Variants in TMEM163 observed in about 807,000 individuals in gnomAD.
TMEM163 encodes the protein transmembrane protein 163.
TMEM163 carries 17 observed loss-of-function variants against 29.3 expected under a neutral mutation model. That is an observed-to-expected ratio of 0.58 (90% CI 0.40 to 0.87). The LOEUF is 0.87. Ranked by LOEUF, TMEM163 falls within the 40% of genes least tolerant of loss-of-function variation. The pLI is 0.00. For synonymous variants in TMEM163, 157 were observed against 160.6 expected, an observed-to-expected ratio of 0.98 and a Z score of 0.17; for missense variants, 303 against 381.5, an observed-to-expected ratio of 0.79 and a Z score of 1.71.
intron 5 of TMEM163, among the ~76,000 whole-genome samples, chr2:134,471,008 C>T (rs1257052106): frequency 6.6e-6 from 1 of 152,078 alleles, no homozygotes; most frequent in East Asian, 1.9e-4. Flanking sequence ...CTGGTCTCTA[C>T]AAAAAATGTA....
At chr2:134,607,628 C>T (rs1313163913) in intron 2 of TMEM163, among the ~76,000 whole-genome samples, 31 of 6,188 alleles carry the variant, frequency 5.0e-3, no homozygotes, top group Non-Finnish European at 0.012. Context: ...GAGAACTGTG[C>T]TGGTGAAAAG....
At chr2:134,602,630 T>C (rs1043458570) in intron 2 of TMEM163, among the ~76,000 whole-genome samples, 1 of 152,194 alleles carries the variant, frequency 6.6e-6, no homozygotes, top group Non-Finnish European at 1.5e-5. Context: ...CCAGCATCAC[T>C]GAGGGATCAT....
At chr2:134,642,291 G>A (rs1310502142) in intron 2 of TMEM163, among the ~76,000 whole-genome samples, 1 of 152,008 alleles carries the variant, frequency 6.6e-6, no homozygotes, top group African/African-American at 2.4e-5. Flanking sequence ...ATCATGCCCA[G>A]CAAATTTTTG....
At chr2:134,610,057 A>C (rs1332309728) in intron 2 of TMEM163, among the ~76,000 whole-genome samples, 6 of 152,246 alleles carry the variant, frequency 3.9e-5, no homozygotes, top group Non-Finnish European at 8.8e-5. Flanking sequence ...AGAAGCAGAA[A>C]GGGGAAGAGG....
chr2:134,654,721 G>A (rs1296813405), intron 2 of TMEM163, among the ~76,000 whole-genome samples: 1 of 117,198 alleles, frequency 8.5e-6, no homozygotes, highest in Admixed American at 8.5e-5. Context: ...CTTCCTTCAG[G>A]AGCTCTTTTA....
chr2:134,593,895 G>A (rs1286008572), intron 2 of TMEM163, among the ~76,000 whole-genome samples: 8 of 151,454 alleles, frequency 5.3e-5, no homozygotes, highest in Admixed American at 2.0e-4. Flanking sequence ...TATGAAGGCC[G>A]CTCAGCCCCC....
At chr2:134,469,285 C>G (rs1460895293) in intron 5 of TMEM163, 1 of 152,078 alleles carries the variant, frequency 6.6e-6, no homozygotes. Flanking sequence ...GCCCCGAGGT[C>G]CAGCTCCTGG....
At chr2:134,695,086 A>AT (rs1245307816) in intron 2 of TMEM163, among the ~76,000 whole-genome samples, 2 of 151,908 alleles carry the variant, frequency 1.3e-5, no homozygotes, top group African/African-American at 2.4e-5. Flanking sequence ...GGAAAAAAAA[A>AT]TTTTTTTTGA....
chr2:134,621,890 C>A (rs1180680121), intron 2 of TMEM163, among the ~76,000 whole-genome samples: 2 of 150,662 alleles, frequency 1.3e-5, no homozygotes, highest in African/African-American at 4.9e-5. Context: ...GACTCCATCT[C>A]AAAAAAATTA....
intron 2 of TMEM163, among the ~76,000 whole-genome samples, chr2:134,681,645 C>A (rs1034546353): frequency 1.3e-5 from 2 of 152,210 alleles, no homozygotes; most frequent in African/African-American, 4.8e-5. Flanking sequence ...CTTCTTTTAG[C>A]AGAGCATCAC....
At chr2:134,544,623 G>A (rs540680386) in intron 4 of TMEM163, among the ~76,000 whole-genome samples, 8 of 151,990 alleles carry the variant, frequency 5.3e-5, no homozygotes, top group Non-Finnish European at 8.8e-5. Context: ...GTGAAACCCC[G>A]TCTCTACTAA....
chr2:134,508,411 G>C lies in TMEM163; in HGVS notation c.459-5414C>G, dbSNP rs142212158. Reference sequence around the variant, plus strand: ...GAAGCAAATAATGAAAAATAAAAGAGTTAAGTGGTGTGAGCATATAACACG... The same window carrying C: ...GAAGCAAATAATGAAAAATAAAAGACTTAAGTGGTGTGAGCATATAACACG... On this transcript the variant is annotated intron_variant, in intron 4 of 7. Transcript: ENST00000281924. Among the ~76,000 whole-genome samples, 27 of 152,352 alleles carry C rather than the reference G, an allele frequency of 1.8e-4. No homozygotes were observed. In the East Asian group the frequency reaches 5.2e-3, roughly 29 times the overall value.
intron 2 of TMEM163, among the ~76,000 whole-genome samples, chr2:134,684,874 G>C (rs1684320641): frequency 1.3e-5 from 2 of 148,170 alleles, no homozygotes; most frequent in African/African-American, 5.0e-5. Flanking sequence ...AGTGAGCCAA[G>C]ATTGTGCCAC....
At chr2:134,679,753 C>G (rs760411964) in intron 2 of TMEM163, among the ~76,000 whole-genome samples, 3 of 152,186 alleles carry the variant, frequency 2.0e-5, no homozygotes, top group Non-Finnish European at 4.4e-5. Flanking sequence ...GGTAACAAAG[C>G]TAGTAAGAGG....
chr2:134,684,854 C>T (rs1392392794), intron 2 of TMEM163, among the ~76,000 whole-genome samples: 3 of 147,544 alleles, frequency 2.0e-5, no homozygotes, highest in South Asian at 2.2e-4. Flanking sequence ...ACCCGGGAGG[C>T]GGAGGTTGCA....
chr2:134,643,863 T>C (rs968563198), intron 2 of TMEM163, among the ~76,000 whole-genome samples: 3 of 151,688 alleles, frequency 2.0e-5, no homozygotes, highest in Admixed American at 6.6e-5. Flanking sequence ...AAACAGAAAA[T>C]CTCAAGGAAT....
chr2:134,481,735 A>T (rs542540139), intron 5 of TMEM163, among the ~76,000 whole-genome samples: 1 of 152,280 alleles, frequency 6.6e-6, no homozygotes, highest in Non-Finnish European at 1.5e-5. Flanking sequence ...ATGCTCCCTC[A>T]TTATGTAGGA....
intron 2 of TMEM163, among the ~76,000 whole-genome samples, chr2:134,673,321 C>T (rs1268204658): frequency 6.6e-6 from 1 of 152,170 alleles, no homozygotes; most frequent in African/African-American, 2.4e-5. Flanking sequence ...ACCCGAGGCT[C>T]AGCCACTATG....
At chr2:134,476,860 GT>G (rs745925614) in intron 5 of TMEM163, among the ~76,000 whole-genome samples, 1 of 152,140 alleles carries the variant, frequency 6.6e-6, no homozygotes, top group Non-Finnish European at 1.5e-5. Context: ...AGAAGCCTGG[GT>G]TCTACATGAT....
Sources: allele counts gnomAD v4.1 joint callset (sites outside exome capture counted in the v4.1 genomes callset), GRCh38; gene constraint gnomAD v4.1.1; transcripts MANE v1.5; gene names NCBI Gene and HGNC (gene_info 2026-07-23, HGNC 2026-07-21).